The following ADAMTS10 variants were observed in gnomAD, a reference collection of about 807,000 sequenced individuals.
The protein encoded by ADAMTS10 is ADAM metallopeptidase with thrombospondin type 1 motif 10.
ADAMTS10 carries 48 observed loss-of-function variants against 135.9 expected under a neutral mutation model. That is an observed-to-expected ratio of 0.35 (90% confidence interval 0.28 to 0.45). The LOEUF (loss-of-function observed/expected upper bound fraction) is 0.45. ADAMTS10 is among the 20% of genes least tolerant of loss of function. The probability of loss-of-function intolerance (pLI) is 1.00; values close to 1 mark genes in which losing one functional copy is unlikely to be tolerated. For missense variants in ADAMTS10, 1,131 were observed against 1,565.2 expected (o/e 0.72, Z 4.68); for synonymous variants, 621 against 647.5 (o/e 0.96, Z 0.62).
chr19:8,597,401 G>T, intron 6 of ADAMTS10, 84 bp from the exon 7 acceptor site: 2 of 1,229,488 alleles, frequency 1.6e-6, no homozygotes, highest in Non-Finnish European at 2.3e-6. Flanking sequence ...ATAACAGCTT[G>T]CTTTCATCAG....
rs1555736568 is a variant in ADAMTS10 at position 8,585,162 on chromosome 19, CG to C, written c.3011del (p.Pro1004ArgfsTer69). The C allele has an allele frequency of 2.1e-6, 3 of 1,410,130 alleles. No homozygotes were observed. Among genetic ancestry groups the C allele is most frequent in the East Asian group, 2.7e-5 (1 of 36,528 alleles). The allele number at this position is 1,410,130 out of a possible 1,614,324, so 87.4% of individuals were successfully genotyped here. On this transcript the variant is annotated frameshift_variant, in exon 24 of 26. Coordinates refer to ENST00000597188, the MANE Select transcript of ADAMTS10 (RefSeq NM_030957.4). LOFTEE classifies it high-confidence loss of function. ...CCCACTCGCCAGCCACCCAGCGGGC[CG>C]GGGGGCAGCGGCGCAAGTTGCAGCG... ...TMRCNLRRCP[P>X]ARWVAGEWGE...
chr19:8,591,436 G>GTT (rs1374318007), intron 15 of ADAMTS10, among the ~76,000 whole-genome samples: 26 of 136,700 alleles, frequency 1.9e-4, no homozygotes, highest in Non-Finnish European at 3.0e-4. Flanking sequence ...CTCTGATAGC[G>GTT]TTTTTGTTTT....
intron 15 of ADAMTS10, among the ~76,000 whole-genome samples, chr19:8,591,467 A>G (rs1291159957): frequency 6.4e-4 from 86 of 133,386 alleles, no homozygotes; most frequent in African/African-American, 2.4e-3. Flanking sequence ...TTTGAGATGG[A>G]GTTTCGCTCT....
rs1418195122 is a variant in ADAMTS10 at position 8,591,497 on chromosome 19, A to G, written c.1797+303T>C. Among the ~76,000 whole-genome samples, 5 of 148,278 alleles carry G rather than the reference A, an allele frequency of 3.4e-5. No individual in the cohort carries two copies. The East Asian group carries it at 9.8e-4, about 29-fold the overall frequency. ...CGCTCTGTCACCCAGGCTGGAGTGC[A>G]GTGGTGCGATCTCGGCTCACTGCAG... On this transcript the variant is annotated intron_variant, in intron 15 of 25. Coordinates refer to ENST00000597188, the MANE Select transcript of ADAMTS10 (RefSeq NM_030957.4).
chr19:8,609,221 AGT>A (rs1555743113), intron 1 of ADAMTS10, among the ~76,000 whole-genome samples: 1 of 125,756 alleles, frequency 8.0e-6, no homozygotes, highest in Non-Finnish European at 1.7e-5. Context: ...ATGGCTTGTG[AGT>A]GTGTGTGACC....
intron 6 of ADAMTS10, 121 bp downstream of exon 6, chr19:8,600,807 C>T (rs1450177653): frequency 1.8e-5 from 23 of 1,313,170 alleles, no homozygotes; most frequent in Non-Finnish European, 2.3e-5. Context: ...CTGCAACCTT[C>T]CTTTCTACCC....
intron 15 of ADAMTS10, among the ~76,000 whole-genome samples, chr19:8,590,523 A>G (rs939825590): frequency 3.3e-5 from 5 of 151,970 alleles, no homozygotes; most frequent in Non-Finnish European, 5.9e-5. Context: ...CAGTGACACA[A>G]TCTCGGCTCA....
At position 8,601,770 on chromosome 19, in the gene ADAMTS10, C is replaced by T. The variant is rs1404099843; in HGVS notation, c.593-625G>A. Among the ~76,000 whole-genome samples, 1 of 152,110 alleles carries T rather than the reference C, an allele frequency of 6.6e-6. No homozygotes were observed. The highest frequency in any genetic ancestry group is 1.5e-5 in the Non-Finnish European group (1 of 68,022). ...CTACCATGATGTCACTGTCCCTCTG[C>T]CAAACTGTTGAGTTGAATAACAGCC... On this transcript the variant is annotated intron_variant, in intron 5 of 25. Coordinates refer to ENST00000597188, the MANE Select transcript of ADAMTS10 (RefSeq NM_030957.4). The surrounding 1 kb of genome is among the most constrained non-coding windows in gnomAD (Gnocchi z 4.6).
intron 15 of ADAMTS10, among the ~76,000 whole-genome samples, chr19:8,591,193 T>A (rs114019496): frequency 6.6e-6 from 1 of 151,536 alleles, no homozygotes; most frequent in Non-Finnish European, 1.5e-5. Flanking sequence ...TCAGGGGAAG[T>A]TGGGCTGTAA....
intron 4 of ADAMTS10, among the ~76,000 whole-genome samples, chr19:8,604,460 A>G (rs1555742083): frequency 6.8e-6 from 1 of 147,684 alleles, no homozygotes; most frequent in African/African-American, 2.5e-5. Flanking sequence ...TATATATTAT[A>G]TATATTTATA....
intron 11 of ADAMTS10, 68 bp from the exon 12 acceptor site, chr19:8,595,971 G>A: frequency 6.2e-7 from 1 of 1,613,996 alleles, no homozygotes; most frequent in Non-Finnish European, 8.5e-7. Flanking sequence ...GCCTCAGCTG[G>A]ATGGGGGTCC....
At position 8,596,796 on chromosome 19, in the gene ADAMTS10, C is replaced by G. The variant is rs1418659360; in HGVS notation, c.1040+191G>C. ...GAATAAGTGAATGAGGGCATCGGTG[C>G]CCAAATGGTCCCAAACCTCCCTTAC... is the stretch of plus-strand genomic sequence containing the variant. On this transcript the variant is annotated intron_variant, in intron 8 of 25. Transcript: ENST00000597188. This position sits in a 1 kb window ranked among gnomAD's most constrained non-coding sequence, Gnocchi z 7.2. Among the ~76,000 whole-genome samples, 3 of 152,076 alleles carry G rather than the reference C, an allele frequency of 2.0e-5. No homozygotes were observed. Among genetic ancestry groups the G allele is most frequent in the Admixed American group, 1.3e-4 (2 of 15,270 alleles).
At position 8,607,103 on chromosome 19, in the gene ADAMTS10, G is replaced by C. The variant is rs563757821; in HGVS notation, c.-100+1031C>G. 1.7e-3 allele frequency among the ~76,000 whole-genome samples: 252 copies of C among 152,226 alleles called. 1 individual carries two copies. The highest frequency in any genetic ancestry group is 5.4e-3 in the African/African-American group (225 of 41,546). ...AGGCTGGCATCAGAGGCACTTGAAG[G>C]GGGGGCTGGTCGGTGTGAATTTTCA... On this transcript the variant is annotated intron_variant, in intron 2 of 25. Transcript: ENST00000597188.
chr19:8,589,191 C>T, intron 18 of ADAMTS10, 51 bp downstream of exon 18: 2 of 1,609,848 alleles, frequency 1.2e-6, no homozygotes, highest in East Asian at 2.2e-5. Flanking sequence ...GTTCCACCTG[C>T]AGTCAGCTGG....
intron 13 of ADAMTS10, chr19:8,592,305 C>A: frequency 9.4e-7 from 1 of 1,064,674 alleles, no homozygotes; most frequent in Non-Finnish European, 1.3e-6. Context: ...GAGGCGTGGC[C>A]TGAGCACAGG....
rs1202564862 is a variant in ADAMTS10 at position 8,597,732 on chromosome 19, C to G, written c.811-415G>C. On this transcript the variant is annotated intron_variant, in intron 6 of 25. Coordinates refer to ENST00000597188, the MANE Select transcript of ADAMTS10 (RefSeq NM_030957.4). ...CTCAGCTCACTGTAACCTCCACTTC[C>G]CAGGTTCAAATGATTCTACTGCTTC... Among the ~76,000 whole-genome samples the G allele has an allele frequency of 6.6e-5, 10 of 152,174 alleles. No individual in the cohort carries two copies. The East Asian group carries it at 1.9e-3, about 29-fold the overall frequency.
At chr19:8,594,790 T>C (rs2042583129) in intron 12 of ADAMTS10, among the ~76,000 whole-genome samples, 1 of 152,198 alleles carries the variant, frequency 6.6e-6, no homozygotes, top group African/African-American at 2.4e-5. Context: ...ATGATCATTG[T>C]TAGGATACCT....
In ADAMTS10 at chr19:8,591,817, G is replaced by A. The variant is rs1453292079; in HGVS notation, c.1780C>T (p.Arg594Cys). 2.5e-6 allele frequency: 4 copies of A among 1,613,694 alleles called. No individual in the cohort carries two copies. The highest frequency in any genetic ancestry group is 3.4e-6 in the Non-Finnish European group (4 of 1,180,040). ...GAACTCACATCCGTGTTGCAGGAGC[G>A]GTGCCGCCTTCTCTCACCCAGACAG... ...KYCLGERRRH[R>C]SCNTDDCPPG... Residue 594 changes from arginine to cysteine, a missense_variant, in exon 15 of 26, where the codon CGC becomes TGC. Physicochemically the swap from Arg to Cys is radical, Grantham distance 180. Coordinates refer to ENST00000597188, the MANE Select transcript of ADAMTS10 (RefSeq NM_030957.4).
At chr19:8,582,808 C>T (rs530732188) in intron 25 of ADAMTS10, 1 of 152,256 alleles carries the variant, frequency 6.6e-6, no homozygotes, top group East Asian at 1.9e-4. Flanking sequence ...TGCCACCACC[C>T]CTGTCTAATT....
Sources: gnomAD v4.1 joint callset for allele counts (sites outside exome capture counted in the v4.1 genomes callset) on GRCh38, gnomAD v4.1.1 for gene constraint, Gnocchi (gnomAD v3.1) non-coding constraint, MANE v1.5 for transcripts, NCBI Gene and HGNC (gene_info 2026-07-23, HGNC 2026-07-21) for gene names.